LYSMD3: variants seen among roughly 807,000 people sequenced by gnomAD.
LYSMD3 encodes the protein lysM and putative peptidoglycan-binding domain-containing protein 3.
LYSMD3 carries 13 observed loss-of-function variants against 26.1 expected under a neutral mutation model. The observed-to-expected ratio is 0.50, with a 90% CI of 0.32 to 0.79. LYSMD3 has a LOEUF of 0.79. Ranked by LOEUF, LYSMD3 falls within the 30% of genes least tolerant of loss-of-function variation. The probability of loss-of-function intolerance (pLI) is 0.03; values close to 1 mark genes in which losing one functional copy is unlikely to be tolerated. For missense variants in LYSMD3, 331 were observed against 362.5 expected (o/e 0.91, Z 0.71); for synonymous variants, 109 against 119.4 (o/e 0.91, Z 0.57).
In LYSMD3 at chr5:90,519,133, T is replaced by G. The variant is rs921162211; in HGVS notation, c.607A>C (p.Thr203Pro). The change falls in exon 3 of 3, where the codon ACT becomes CCT. Residue 203 changes from threonine (T) to proline (P), a missense_variant. This residue lies in a region of LYSMD3 where 262 missense variants were observed against 267.3 expected (regional missense o/e 0.98). Transcript: ENST00000315948. ...QMRFEPDNKN[T>P]QRKDPYYGAD... ...CCATAATAGGGGTCTTTACGTTGAGTGTTTTTGTTATCAGGTTCAAAACGC... is the reference window on the plus strand; with the variant it reads ...CCATAATAGGGGTCTTTACGTTGAGGGTTTTTGTTATCAGGTTCAAAACGC... 9.9e-6 allele frequency: 16 copies of G among 1,614,170 alleles called. No homozygotes were observed. Among genetic ancestry groups the G allele is most frequent in the Non-Finnish European group, 1.4e-5 (16 of 1,180,002 alleles).
At position 90,527,250 on chromosome 5, in the gene LYSMD3, C is replaced by T. The variant is rs149148575; in HGVS notation, c.-11-1950G>A. On this transcript the variant is annotated intron_variant, in intron 1 of 2. Transcript: ENST00000315948. Reference sequence around the variant, plus strand: ...TAACCCAAAAATCCAATCTTAAATACTCTGAAATTTGAAATACTTTGAGTG... The same window carrying T: ...TAACCCAAAAATCCAATCTTAAATATTCTGAAATTTGAAATACTTTGAGTG... 2.0e-5 allele frequency among the ~76,000 whole-genome samples: 3 copies of T among 152,260 alleles called. No homozygotes were observed. The East Asian group carries it at 5.8e-4, about 29-fold the overall frequency.
chr5:90,522,177 T>G (rs1753108597), intron 2 of LYSMD3, among the ~76,000 whole-genome samples: 1 of 152,150 alleles, frequency 6.6e-6, no homozygotes, highest in African/African-American at 2.4e-5. Flanking sequence ...TAAAAGTGTG[T>G]GGAACCTCCT....
chr5:90,527,025 T>C (rs981071440), intron 1 of LYSMD3: 2 of 151,956 alleles, frequency 1.3e-5, no homozygotes, highest in African/African-American at 2.4e-5. Flanking sequence ...ATAAGGAGTG[T>C]CCAGAAGAGG....
At chr5:90,521,879 A>C (rs902556639) in intron 2 of LYSMD3, among the ~76,000 whole-genome samples, 6 of 152,148 alleles carry the variant, frequency 3.9e-5, no homozygotes, top group South Asian at 2.1e-4. Flanking sequence ...TCTAAGTGGA[A>C]TATACCACTA....
At chr5:90,527,925 A>C (rs1753264684) in intron 1 of LYSMD3, among the ~76,000 whole-genome samples, 1 of 152,236 alleles carries the variant, frequency 6.6e-6, no homozygotes, top group Non-Finnish European at 1.5e-5. Context: ...TTCAGATAAC[A>C]CAGATAACTA....
intron 1 of LYSMD3, among the ~76,000 whole-genome samples, chr5:90,526,167 C>T (rs932092512): frequency 1.3e-5 from 2 of 152,126 alleles, no homozygotes; most frequent in Non-Finnish European, 2.9e-5. Flanking sequence ...CGTATTACTT[C>T]CTCCTGGACT....
Position 90,519,402 on chromosome 5 carries a change from T to C in LYSMD3, c.338A>G (p.Lys113Arg). ...AAGTGTTTCGGTCAAGGAACTGAACTTTTTTACTGGAATTTTGATAGACCT... is the reference window on the plus strand; with the variant it reads ...AAGTGTTTCGGTCAAGGAACTGAACCTTTTTACTGGAATTTTGATAGACCT... Reference protein sequence around the residue: ...ALRSIKIPVKKFSSLTETLCP... With the variant: ...ALRSIKIPVKRFSSLTETLCP... Residue 113 changes from lysine to arginine, a missense_variant, in exon 3 of 3, where the codon AAG becomes AGG. By Grantham distance (26) the Lys-to-Arg change is conservative. Transcript: ENST00000315948. 6.2e-7 allele frequency: 1 copy of C among 1,614,044 alleles called. No individual in the cohort carries two copies. The highest frequency in any genetic ancestry group is 8.5e-7 in the Non-Finnish European group (1 of 1,179,950).
At chr5:90,519,679 A>G (rs1753042643) in intron 2 of LYSMD3, among the ~76,000 whole-genome samples, 195 bp from the exon 3 acceptor site, 1 of 152,146 alleles carries the variant, frequency 6.6e-6, no homozygotes, top group South Asian at 2.1e-4. Flanking sequence ...ATCTTAGGAA[A>G]TCACCAACTA....
At chr5:90,519,526 T>G (rs763888988) in intron 2 of LYSMD3, 42 bp from the exon 3 acceptor site, 4 of 1,534,596 alleles carry the variant, frequency 2.6e-6, no homozygotes, top group Non-Finnish European at 3.5e-6. Flanking sequence ...TGAATTCCAA[T>G]CAAAATAAAG....
chr5:90,529,414 C>G, intron 1 of LYSMD3, 34 bp downstream of exon 1: 1 of 456,488 alleles, frequency 2.2e-6, no homozygotes, highest in Non-Finnish European at 4.4e-6. Flanking sequence ...CCCTCCTGGA[C>G]CGGGCTACCC....
rs1029027331 is a variant in LYSMD3 at position 90,526,437 on chromosome 5, C to T, written c.-11-1137G>A. ...TGAATACTTTTTGTTTACTTGCATA[C>T]TAACTCTCAACTCACCATCATCAAG... On this transcript the variant is annotated intron_variant, in intron 1 of 2. Coordinates refer to ENST00000315948, the MANE Select transcript of LYSMD3 (RefSeq NM_198273.2). Among the ~76,000 whole-genome samples, 3 of 152,296 alleles carry T rather than the reference C, an allele frequency of 2.0e-5. No homozygotes were observed. The East Asian group carries it at 5.8e-4, about 29-fold the overall frequency.
intron 2 of LYSMD3, 101 bp from the exon 3 acceptor site, chr5:90,519,585 G>T: frequency 8.4e-7 from 1 of 1,186,430 alleles, no homozygotes; most frequent in Non-Finnish European, 1.2e-6. Flanking sequence ...AAAAAAAGTT[G>T]AATTATTAGT....
chr5:90,523,965 GAGTAT>G lies in LYSMD3; in HGVS notation c.255+1065_255+1069del, dbSNP rs1753154700. On this transcript the variant is annotated intron_variant, in intron 2 of 2. Coordinates refer to ENST00000315948, the MANE Select transcript of LYSMD3 (RefSeq NM_198273.2). ...CACAGAGAGAAAATGGGTCCAAATA[GAGTAT>G]AGTATCTATTAAAATTAAAAATACA... 1.3e-5 allele frequency among the ~76,000 whole-genome samples: 2 copies of G among 152,122 alleles called. 1 individual carries two copies. The highest frequency in any genetic ancestry group is 4.1e-4 in the South Asian group (2 of 4,822).
rs1034218396 is a variant in LYSMD3 at position 90,529,561 on chromosome 5, T to C, written c.-125A>G. 2 of 456,308 alleles carry C rather than the reference T, an allele frequency of 4.4e-6. No individual in the cohort carries two copies. The highest frequency in any genetic ancestry group is 3.1e-5 in the South Asian group (2 of 64,544). 28.3% of individuals were successfully genotyped at this position (456,308 alleles called of 1,614,324 possible). A position where few individuals can be genotyped will look rare whatever the true frequency, so the allele number is the denominator to read the frequency against. Reference sequence around the variant, plus strand: ...CTGCTTTGGGCTGACCCCGTCCGCCTCCGCCTCTGCCGCCAACGTCTCCGC... The same window carrying C: ...CTGCTTTGGGCTGACCCCGTCCGCCCCCGCCTCTGCCGCCAACGTCTCCGC... On this transcript the variant is annotated 5_prime_UTR_variant, in exon 1 of 3. Transcript: ENST00000315948.
intron 2 of LYSMD3, among the ~76,000 whole-genome samples, chr5:90,522,217 C>T (rs2151921435): frequency 6.6e-6 from 1 of 152,304 alleles, no homozygotes; most frequent in African/African-American, 2.4e-5. Flanking sequence ...CTGCTCCAGC[C>T]ATGTGAAAAT....
intron 2 of LYSMD3, among the ~76,000 whole-genome samples, chr5:90,524,076 G>C (rs1753157303): frequency 6.6e-6 from 1 of 152,178 alleles, no homozygotes; most frequent in African/African-American, 2.4e-5. Context: ...ATATAGTTGT[G>C]ATGATATTTG....
rs370310952 is a variant in LYSMD3 at position 90,524,987 on chromosome 5, T to G, written c.255+48A>C. ...GACACAGAATTTATTTCAGTGTGCG[T>G]AAACAAATAATTTCTTCTGAATTGC... On this transcript the variant is annotated intron_variant, in intron 2 of 2. Coordinates refer to ENST00000315948, the MANE Select transcript of LYSMD3 (RefSeq NM_198273.2). 5 of 1,429,274 alleles carry G rather than the reference T, an allele frequency of 3.5e-6. No individual in the cohort carries two copies. The African/African-American group carries it at 7.2e-5, about 20-fold the overall frequency. The allele number at this position is 1,429,274 out of a possible 1,614,324, so 88.5% of individuals were successfully genotyped here.
intron 2 of LYSMD3, 141 bp downstream of exon 2, chr5:90,524,894 T>C (rs1753180377): frequency 1.3e-5 from 11 of 823,788 alleles, no homozygotes; most frequent in Admixed American, 6.5e-5. Context: ...GCCCAGCCCA[T>C]GTGACACAGA....
intron 2 of LYSMD3, among the ~76,000 whole-genome samples, chr5:90,524,170 G>A (rs1184424334): frequency 6.6e-6 from 1 of 152,090 alleles, no homozygotes; most frequent in Non-Finnish European, 1.5e-5. Flanking sequence ...TAATACTACA[G>A]ACATTATACA....
Sources: allele counts gnomAD v4.1 joint callset (sites outside exome capture counted in the v4.1 genomes callset), GRCh38; gene constraint gnomAD v4.1.1; regional missense constraint gnomAD v4.1.1; transcripts MANE v1.5; gene names NCBI Gene and HGNC (gene_info 2026-07-23, HGNC 2026-07-21).